The following CCDC141 variants were observed in gnomAD, a reference collection of about 807,000 sequenced individuals.
CCDC141 encodes the protein coiled-coil domain-containing protein 141.
CCDC141 carries 168 observed loss-of-function variants against 181.0 expected under a neutral mutation model. The ratio of observed to expected loss-of-function variants is 0.93; its 90% CI spans 0.82 to 1.05. The LOEUF (loss-of-function observed/expected upper bound fraction) is 1.05. Among genes scored for constraint, CCDC141 ranks in the 50% least tolerant of loss-of-function variants. The pLI is 0.00. For missense variants in CCDC141, 1,902 were observed against 1,788.5 expected (o/e 1.06, Z -1.14); for synonymous variants, 666 against 642.3 (o/e 1.04, Z -0.56).
At chr2:178,959,485 T>G (rs1690302872) in intron 5 of CCDC141, among the ~76,000 whole-genome samples, 1 of 152,078 alleles carries the variant, frequency 6.6e-6, no homozygotes, top group Non-Finnish European at 1.5e-5. Context: ...GACAAAGAAC[T>G]TTGGAAACAG....
chr2:179,001,010 T>A (rs1459564536), intron 2 of CCDC141, among the ~76,000 whole-genome samples: 1 of 152,018 alleles, frequency 6.6e-6, no homozygotes, highest in African/African-American at 2.4e-5. Flanking sequence ...CAGGCCTGGG[T>A]GATGCTCATT....
the CCDC141 span, chr2:178,817,441 T>C: frequency 3.0e-5 from 14 of 466,258 alleles, no homozygotes; most frequent in East Asian, 4.9e-4. Flanking sequence ...ACTCATGCTC[T>C]TTTTCTGTGG....
chr2:178,971,654 A>G (rs569505417), intron 4 of CCDC141, among the ~76,000 whole-genome samples: 209 of 152,338 alleles, frequency 1.4e-3, no homozygotes, highest in African/African-American at 4.9e-3. Flanking sequence ...CACAATAGCA[A>G]AGACTTGGAA....
intron 6 of CCDC141, among the ~76,000 whole-genome samples, chr2:178,922,646 G>T (rs1215580707): frequency 6.6e-6 from 1 of 152,164 alleles, no homozygotes. Flanking sequence ...ACTTAGTTTT[G>T]CTTAGCAACT....
downstream of CCDC141, among the ~76,000 whole-genome samples, chr2:178,825,883 T>C (rs1246766570): frequency 6.6e-6 from 1 of 152,154 alleles, no homozygotes; most frequent in Non-Finnish European, 1.5e-5. Flanking sequence ...TTTTGTAGAT[T>C]CTTTGGGATT....
chr2:178,936,623 T>C (rs936381285), intron 6 of CCDC141, among the ~76,000 whole-genome samples: 5 of 152,188 alleles, frequency 3.3e-5, no homozygotes, highest in Non-Finnish European at 5.9e-5. Flanking sequence ...TTTTTCTAGG[T>C]CTGTGAAGAA....
rs1298704287 is a variant in CCDC141 at position 178,905,550 on chromosome 2, T to G, written c.1093-49A>C. 2.0e-6 allele frequency: 3 copies of G among 1,481,846 alleles called. No individual in the cohort carries two copies. The South Asian group carries it at 3.9e-5, about 19-fold the overall frequency. The allele number at this position is 1,481,846 out of a possible 1,614,324, so 91.8% of individuals were successfully genotyped here. A position where few individuals can be genotyped will look rare whatever the true frequency, so the allele number is the denominator to read the frequency against. On this transcript the variant is annotated intron_variant, in intron 7 of 23. Transcript: ENST00000443758. ...TTTTCTGCTTCTCTAGTTTAAAATC[T>G]ACATCAACGTGTACACAAAACACTG...
At chr2:178,821,201 G>A in the CCDC141 span, among the ~76,000 whole-genome samples, 2 of 152,116 alleles carry the variant, frequency 1.3e-5, no homozygotes, top group African/African-American at 4.8e-5. Flanking sequence ...CTGATTATTT[G>A]TTTGGGTATA....
chr2:179,041,372 A>G (rs527585122), intron 2 of CCDC141, among the ~76,000 whole-genome samples: 1 of 145,592 alleles, frequency 6.9e-6, no homozygotes, highest in East Asian at 2.1e-4. Context: ...TTTGATTTAC[A>G]TTTCTCTAAT....
At chr2:179,039,020 C>T (rs2043221594) in intron 2 of CCDC141, among the ~76,000 whole-genome samples, 2 of 152,174 alleles carry the variant, frequency 1.3e-5, no homozygotes, top group African/African-American at 4.8e-5. Flanking sequence ...TCAATAGTAG[C>T]CACAGGCAGA....
At chr2:178,858,760 CAT>C (rs1359043072) in intron 17 of CCDC141, among the ~76,000 whole-genome samples, 2 of 151,824 alleles carry the variant, frequency 1.3e-5, no homozygotes, top group Non-Finnish European at 2.9e-5. Context: ...AAAATATAGT[CAT>C]ATATTTTTCT....
intron 2 of CCDC141, among the ~76,000 whole-genome samples, chr2:179,031,914 AT>A: frequency 6.6e-6 from 1 of 152,226 alleles, no homozygotes; most frequent in Admixed American, 6.5e-5. Flanking sequence ...AGTGCAAAAC[AT>A]GTCTTATGAA....
intron 8 of CCDC141, among the ~76,000 whole-genome samples, chr2:178,902,708 T>G (rs1029453679): frequency 6.6e-6 from 1 of 150,852 alleles, no homozygotes; most frequent in Non-Finnish European, 1.5e-5. Context: ...AAGGACTTCA[T>G]GTCTAAACCA....
Position 178,905,519 on chromosome 2 carries a change from C to A in CCDC141, c.1093-18G>T. On this transcript the variant is annotated intron_variant, in intron 7 of 23. Transcript: ENST00000443758. ...TCAAATGCCTGCCAAAGAAAACATA[C>A]TTTTATTTTCTGCTTCTCTAGTTTA... 2.6e-6 allele frequency: 4 copies of A among 1,533,222 alleles called. No homozygotes were observed. Among genetic ancestry groups the A allele is most frequent in the Non-Finnish European group, 3.5e-6 (4 of 1,140,378 alleles). The allele number at this position is 1,533,222 out of a possible 1,614,324, so 95.0% of individuals were successfully genotyped here. A position where few individuals can be genotyped will look rare whatever the true frequency, so the allele number is the denominator to read the frequency against.
intron 8 of CCDC141, among the ~76,000 whole-genome samples, chr2:178,890,653 C>A (rs1294288720): frequency 4.6e-5 from 7 of 152,122 alleles, no homozygotes; most frequent in Non-Finnish European, 1.0e-4. Context: ...CCCTCCTGCT[C>A]CCAAATTTCC....
intron 8 of CCDC141, among the ~76,000 whole-genome samples, chr2:178,904,034 G>T (rs1687841556): frequency 2.0e-5 from 3 of 152,120 alleles, no homozygotes; most frequent in Admixed American, 2.0e-4. Context: ...TATTGTTCAA[G>T]ACATTTATAC....
chr2:178,925,442 A>G (rs1364158181), intron 6 of CCDC141, among the ~76,000 whole-genome samples: 1 of 152,254 alleles, frequency 6.6e-6, no homozygotes, highest in Non-Finnish European at 1.5e-5. Context: ...GTGGCAAAAT[A>G]CAATTTGAAA....
At position 179,015,111 on chromosome 2, in the gene CCDC141, ATATAATCATATATATATATC is replaced by A. The variant is rs1254300756; in HGVS notation, c.225+32153_225+32172del. On this transcript the variant is annotated intron_variant, in intron 2 of 23. Coordinates refer to ENST00000443758, the MANE Select transcript of CCDC141 (RefSeq NM_173648.4). ...ATATATATATATATATATAATATAT[ATATAATCATATATATATATC>A]ATATCATATATATCAATATATCTCA... is the stretch of plus-strand genomic sequence containing the variant. Among the ~76,000 whole-genome samples, 47 of 27,640 alleles carry A rather than the reference ATATAATCATATATATATATC, an allele frequency of 1.7e-3. 1 individual carries two copies. The highest frequency in any genetic ancestry group is 6.3e-3 in the East Asian group (4 of 630). The allele number at this position is 27,640 out of a possible 152,430, so 18.1% of individuals were successfully genotyped here. A position where few individuals can be genotyped will look rare whatever the true frequency, so the allele number is the denominator to read the frequency against.
chr2:179,047,457 C>T (rs2043536018), intron 1 of CCDC141, 51 bp from the exon 2 acceptor site: 6 of 1,371,940 alleles, frequency 4.4e-6, no homozygotes, highest in South Asian at 1.7e-5. Flanking sequence ...TTGTTCCTTC[C>T]TCTTCACCCT....
Sources: gnomAD v4.1 joint callset for allele counts (sites outside exome capture counted in the v4.1 genomes callset) on GRCh38, gnomAD v4.1.1 for gene constraint, MANE v1.5 for transcripts, NCBI Gene and HGNC (gene_info 2026-07-23, HGNC 2026-07-21) for gene names.